The following FRS2 variants were observed in gnomAD, a reference collection of about 807,000 sequenced individuals.
FRS2 encodes fibroblast growth factor receptor substrate 2.
Under a neutral mutation model 43.9 loss-of-function variants are expected in FRS2, and 8 were observed. The observed-to-expected ratio is 0.18, with a 90% confidence interval of 0.11 to 0.33. The LOEUF (loss-of-function observed/expected upper bound fraction) is 0.33. Ranked by LOEUF, FRS2 falls within the 10% of genes least tolerant of loss-of-function variation. FRS2 has a pLI of 1.00. For missense variants in FRS2, 534 were observed against 627.6 expected, an observed-to-expected ratio of 0.85 and a Z score of 1.59; for synonymous variants, 219 against 220.3, an observed-to-expected ratio of 0.99 and a Z score of 0.05.
intron 1 of FRS2, among the ~76,000 whole-genome samples, chr12:69,491,285 G>T (rs1440423538): frequency 6.6e-6 from 1 of 151,928 alleles, no homozygotes; most frequent in Admixed American, 6.6e-5. Context: ...TTATAAAGAC[G>T]AGGTTTTGCC....
At position 69,504,672 on chromosome 12, in the gene FRS2, T is replaced by C. The variant is rs76853962; in HGVS notation, c.-260-26193T>C. ...ATTTAATAATGTTCTTTTTATTTAATGTATGCTTTAAACATAAAATGTGCA... is the reference window on the plus strand; with the variant it reads ...ATTTAATAATGTTCTTTTTATTTAACGTATGCTTTAAACATAAAATGTGCA... On this transcript the variant is annotated intron_variant, in intron 1 of 8. Transcript: ENST00000549921. 2.3e-3 allele frequency among the ~76,000 whole-genome samples: 346 copies of C among 152,356 alleles called. 4 individuals carry two copies. The highest frequency in any genetic ancestry group is 0.022 in the East Asian group (113 of 5,194).
intron 1 of FRS2, among the ~76,000 whole-genome samples, chr12:69,479,336 C>A (rs1648151929): frequency 6.7e-6 from 1 of 148,650 alleles, no homozygotes; most frequent in South Asian, 2.1e-4. Flanking sequence ...GCTTTTATTG[C>A]TGTTGAAAAA....
intron 1 of FRS2, among the ~76,000 whole-genome samples, chr12:69,483,630 G>A (rs901214866): frequency 2.0e-5 from 3 of 151,842 alleles, no homozygotes; most frequent in African/African-American, 7.3e-5. Context: ...TTTATATTAA[G>A]TATTTTCCGT....
At chr12:69,481,628 C>T (rs978338565) in intron 1 of FRS2, among the ~76,000 whole-genome samples, 1 of 152,104 alleles carries the variant, frequency 6.6e-6, no homozygotes, top group Non-Finnish European at 1.5e-5. Flanking sequence ...ACTTTACATT[C>T]CCATTTTGGT....
rs1171638864 is a variant in FRS2, at chr12:69,478,753, TGTGTGTGTGTAA to T, written c.-261+8224_-261+8235del. ...GTGTGTGTGTGTGTGTGTGTGTGTG[TGTGTGTGTGTAA>T]AGAATTATATAATGAACTACCATGT... is the stretch of plus-strand genomic sequence containing the variant. On this transcript the variant is annotated intron_variant, in intron 1 of 8. Coordinates refer to ENST00000549921, the MANE Select transcript of FRS2 (RefSeq NM_001278356.2). Among the ~76,000 whole-genome samples the T allele has an allele frequency of 3.3e-5, 5 of 150,126 alleles. No homozygotes were observed. The East Asian group carries it at 9.7e-4, about 29-fold the overall frequency.
At chr12:69,489,538 C>T (rs1872264906) in intron 1 of FRS2, among the ~76,000 whole-genome samples, 1 of 151,742 alleles carries the variant, frequency 6.6e-6, no homozygotes, top group Non-Finnish European at 1.5e-5. Context: ...GGTGTGGTGG[C>T]GCATGCCTGT....
chr12:69,499,262 A>G (rs1377779553), intron 1 of FRS2, among the ~76,000 whole-genome samples: 2 of 152,180 alleles, frequency 1.3e-5, no homozygotes. Context: ...GACCTTTGCA[A>G]AGGTCAATTT....
intron 1 of FRS2, among the ~76,000 whole-genome samples, chr12:69,522,869 T>C (rs1242785438): frequency 6.6e-6 from 1 of 152,226 alleles, no homozygotes; most frequent in Non-Finnish European, 1.5e-5. Flanking sequence ...AAGGAGAAGG[T>C]TAATTTCCAT....
rs898014274 is a variant in FRS2, at chr12:69,557,617, TGTGCGC to T, written c.-121-4561_-121-4556del. On this transcript the variant is annotated intron_variant, in intron 3 of 8. Transcript: ENST00000549921. ...GATTGTGTGTGTGTGTGTGTGTGTG[TGTGCGC>T]GCGCGCGCGCGCGCAGGTGCATGCA... Among the ~76,000 whole-genome samples, 39 of 117,090 alleles carry T rather than the reference TGTGCGC, an allele frequency of 3.3e-4. 1 individual carries two copies. The South Asian group carries it at 8.9e-3, about 27-fold the overall frequency. The allele number at this position is 117,090 out of a possible 152,430, so 76.8% of individuals were successfully genotyped here. A position where few individuals can be genotyped will look rare whatever the true frequency, so the allele number is the denominator to read the frequency against.
At chr12:69,485,134 C>CACACACACACACACATAT (rs1194988609) in intron 1 of FRS2, among the ~76,000 whole-genome samples, 9 of 134,274 alleles carry the variant, frequency 6.7e-5, no homozygotes, top group African/African-American at 2.6e-4. Flanking sequence ...CACACACACA[C>CACACACACACACACATAT]ACTCTCACCC....
chr12:69,572,085 C>G (rs777380081), intron 7 of FRS2, 33 bp from the exon 8 acceptor site: 2 of 1,586,730 alleles, frequency 1.3e-6, no homozygotes, highest in South Asian at 2.2e-5. Flanking sequence ...TGCCCCGCCC[C>G]CCTTTTCCTT....
intron 3 of FRS2, among the ~76,000 whole-genome samples, chr12:69,553,238 A>AT (rs549343440): frequency 6.6e-6 from 1 of 151,686 alleles, no homozygotes; most frequent in Admixed American, 6.6e-5. Context: ...CGCCCGGCTA[A>AT]TTTTTTGTAT....
At chr12:69,520,546 T>C (rs1875535632) in intron 1 of FRS2, among the ~76,000 whole-genome samples, 1 of 152,168 alleles carries the variant, frequency 6.6e-6, no homozygotes, top group African/African-American at 2.4e-5. Flanking sequence ...TTTTATAGTT[T>C]GGGGTTTTAC....
At chr12:69,520,111 G>A (rs1875481390) in intron 1 of FRS2, among the ~76,000 whole-genome samples, 1 of 152,174 alleles carries the variant, frequency 6.6e-6, no homozygotes, top group Non-Finnish European at 1.5e-5. Flanking sequence ...TGACTGGTGC[G>A]AGATGGTATC....
At chr12:69,505,643 G>A (rs527255875) in intron 1 of FRS2, among the ~76,000 whole-genome samples, 87 of 152,262 alleles carry the variant, frequency 5.7e-4, no homozygotes, top group African/African-American at 2.0e-3. Context: ...AGGACAGATA[G>A]CATCTCATTT....
intron 1 of FRS2, among the ~76,000 whole-genome samples, chr12:69,492,735 A>C (rs961738281): frequency 6.6e-6 from 1 of 152,166 alleles, no homozygotes; most frequent in Admixed American, 6.5e-5. Flanking sequence ...CTAACTTAAA[A>C]GATAATGTTC....
chr12:69,479,426 T>A (rs1261951340), intron 1 of FRS2, among the ~76,000 whole-genome samples: 2 of 148,008 alleles, frequency 1.4e-5, no homozygotes, highest in African/African-American at 2.5e-5. Context: ...TTGAGACCAG[T>A]CTTGCTCTGT....
intron 1 of FRS2, among the ~76,000 whole-genome samples, chr12:69,481,470 G>T (rs2120743227): frequency 6.6e-6 from 1 of 151,506 alleles, no homozygotes; most frequent in African/African-American, 2.4e-5. Context: ...TTGTAGAGAT[G>T]GTGTCTCACT....
intron 1 of FRS2, among the ~76,000 whole-genome samples, chr12:69,516,987 C>CTT (rs1325322835): frequency 6.6e-6 from 1 of 152,152 alleles, no homozygotes; most frequent in East Asian, 1.9e-4. Flanking sequence ...AAATTCAAAA[C>CTT]TTTTTGAGCA....
Sources: gnomAD v4.1 joint callset for allele counts (sites outside exome capture counted in the v4.1 genomes callset) on GRCh38, gnomAD v4.1.1 for gene constraint, MANE v1.5 for transcripts, NCBI Gene and HGNC (gene_info 2026-07-23, HGNC 2026-07-21) for gene names.